The following FAM13A variants were observed in gnomAD, a reference collection of about 807,000 sequenced individuals.
The protein encoded by FAM13A is family with sequence similarity 13 member A.
Under a neutral mutation model 129.6 loss-of-function variants are expected in FAM13A, and 76 were observed. That is an observed-to-expected ratio of 0.59 (90% CI 0.49 to 0.71). The LOEUF is 0.71. Among genes scored for constraint, FAM13A ranks in the 30% least tolerant of loss-of-function variants. FAM13A has a pLI of 0.00. For missense variants in FAM13A, 1,108 were observed against 1,249.3 expected, an observed-to-expected ratio of 0.89 and a Z score of 1.70; for synonymous variants, 443 against 449.9, an observed-to-expected ratio of 0.98 and a Z score of 0.20.
chr4:88,989,091 C>A (rs1453562771), intron 4 of FAM13A, among the ~76,000 whole-genome samples: 1 of 151,064 alleles, frequency 6.6e-6, no homozygotes, highest in South Asian at 2.1e-4. Flanking sequence ...GCCTATAATC[C>A]CAGCTACTCA....
At chr4:88,873,468 G>A (rs1007725898) in intron 6 of FAM13A, among the ~76,000 whole-genome samples, 4 of 152,044 alleles carry the variant, frequency 2.6e-5, no homozygotes, top group Non-Finnish European at 4.4e-5. Flanking sequence ...TATCACCACC[G>A]ATCCCACAGA....
intron 3 of FAM13A, among the ~76,000 whole-genome samples, chr4:88,993,600 A>C (rs919691254): frequency 6.6e-6 from 1 of 152,242 alleles, no homozygotes; most frequent in African/African-American, 2.4e-5. Context: ...ATCATTTTCC[A>C]ATTTCTGAAA....
chr4:89,035,433 A>T (rs1769255974), intron 1 of FAM13A, among the ~76,000 whole-genome samples: 1 of 152,052 alleles, frequency 6.6e-6, no homozygotes, highest in Non-Finnish European at 1.5e-5. Context: ...AGAAAATTAA[A>T]GCACAAGAAC....
At chr4:88,942,628 A>G (rs1179608584) in intron 4 of FAM13A, among the ~76,000 whole-genome samples, 2 of 150,366 alleles carry the variant, frequency 1.3e-5, no homozygotes, top group African/African-American at 4.9e-5. Flanking sequence ...AATTGCTTTT[A>G]AAGAAATGTA....
intron 6 of FAM13A, among the ~76,000 whole-genome samples, chr4:88,891,068 C>T (rs138872055): frequency 1.7e-4 from 26 of 152,198 alleles, no homozygotes; most frequent in Admixed American, 3.9e-4. Context: ...TTTATCAGTA[C>T]GTTCTACCAA....
At position 88,884,005 on chromosome 4, in the gene FAM13A, T is replaced by C. The variant is rs140923496; in HGVS notation, c.843+22374A>G. Among the ~76,000 whole-genome samples the C allele has an allele frequency of 3.9e-3, 596 of 151,920 alleles. 5 individuals carry two copies. Among genetic ancestry groups the C allele is most frequent in the African/African-American group, 0.014 (565 of 41,452 alleles). ...CACAGATGAATAACAAGCAGCAAGA[T>C]TGAAATGCTAATTAAAAATTGCCAA... On this transcript the variant is annotated intron_variant, in intron 6 of 23. Coordinates refer to ENST00000264344, the MANE Select transcript of FAM13A (RefSeq NM_014883.4).
At chr4:88,992,352 T>G (rs533011293) in intron 3 of FAM13A, among the ~76,000 whole-genome samples, 1 of 151,970 alleles carries the variant, frequency 6.6e-6, no homozygotes, top group African/African-American at 2.4e-5. Context: ...CTGCAACCTC[T>G]GCCTCCTGGG....
chr4:88,788,468 C>T (rs1001066863), intron 9 of FAM13A, among the ~76,000 whole-genome samples: 6 of 152,158 alleles, frequency 3.9e-5, no homozygotes, highest in African/African-American at 1.2e-4. Context: ...GAACTCACAA[C>T]AGCATGGCAT....
chr4:88,769,298 G>T (rs1412311943), intron 11 of FAM13A, among the ~76,000 whole-genome samples: 1 of 152,086 alleles, frequency 6.6e-6, no homozygotes, highest in Non-Finnish European at 1.5e-5. Flanking sequence ...TTGCCAATTT[G>T]CCTGGAATTC....
chr4:88,958,285 C>T (rs1186030233), intron 4 of FAM13A, among the ~76,000 whole-genome samples: 3 of 152,234 alleles, frequency 2.0e-5, no homozygotes, highest in Admixed American at 6.5e-5. Context: ...ATGTCCAGGG[C>T]CCTGCTACCC....
chr4:89,000,429 A>G (rs1041715792), intron 3 of FAM13A, among the ~76,000 whole-genome samples: 2 of 152,188 alleles, frequency 1.3e-5, no homozygotes, highest in Admixed American at 6.5e-5. Context: ...ACAAAGTACC[A>G]CATACTGTGT....
intron 7 of FAM13A, among the ~76,000 whole-genome samples, chr4:88,835,967 C>T (rs1242539301): frequency 1.3e-5 from 2 of 152,068 alleles, no homozygotes; most frequent in African/African-American, 2.4e-5. Flanking sequence ...AACACTTCCT[C>T]CTTGAAGCAT....
At position 88,761,538 on chromosome 4, in the gene FAM13A, G is replaced by C. The variant is rs963985369; in HGVS notation, c.1579-2637C>G. ...ATGTGTGGGCTGGAGGGGTGAGGGA[G>C]GACGGCACATCACACAGAAGGAAGG... On this transcript the variant is annotated intron_variant, in intron 13 of 23. Transcript: ENST00000264344. 9.2e-5 allele frequency among the ~76,000 whole-genome samples: 14 copies of C among 152,158 alleles called. 1 individual carries two copies. In the South Asian group the frequency reaches 2.9e-3, roughly 32 times the overall value.
intron 10 of FAM13A, among the ~76,000 whole-genome samples, chr4:88,782,343 A>G (rs1197448842): frequency 6.6e-6 from 1 of 152,088 alleles, no homozygotes; most frequent in Non-Finnish European, 1.5e-5. Flanking sequence ...AACCATCAGC[A>G]CAGCACCATG....
At chr4:88,797,277 T>A (rs2149704248) in intron 8 of FAM13A, among the ~76,000 whole-genome samples, 1 of 151,820 alleles carries the variant, frequency 6.6e-6, no homozygotes, top group Admixed American at 6.6e-5. Flanking sequence ...TTGTGGGTTT[T>A]TTTTTTTTTG....
intron 3 of FAM13A, among the ~76,000 whole-genome samples, chr4:89,013,785 A>C (rs1483468721): frequency 6.6e-6 from 1 of 152,210 alleles, no homozygotes; most frequent in Non-Finnish European, 1.5e-5. Flanking sequence ...CTATACAGCA[A>C]GTATAACGAC....
chr4:88,843,820 CAG>C (rs1736219458), intron 7 of FAM13A, among the ~76,000 whole-genome samples: 1 of 152,160 alleles, frequency 6.6e-6, no homozygotes, highest in African/African-American at 2.4e-5. Context: ...GAATTTCTCC[CAG>C]AGAGATGGAC....
chr4:89,028,077 T>G (rs9307062), intron 2 of FAM13A, among the ~76,000 whole-genome samples: 90,338 of 150,500 alleles, frequency 0.6, 27,775 homozygotes, highest in Middle Eastern at 0.69. Flanking sequence ...AGCTGGGTGT[T>G]CATCTGTAAT....
At chr4:88,884,772 T>C (rs1744136926) in intron 6 of FAM13A, among the ~76,000 whole-genome samples, 1 of 152,126 alleles carries the variant, frequency 6.6e-6, no homozygotes, top group Non-Finnish European at 1.5e-5. Context: ...AAAAAGCTCC[T>C]AGAACTGATA....
Sources: allele counts gnomAD v4.1 joint callset (sites outside exome capture counted in the v4.1 genomes callset), GRCh38; gene constraint gnomAD v4.1.1; transcripts MANE v1.5; gene names NCBI Gene and HGNC (gene_info 2026-07-23, HGNC 2026-07-21).